ZNF704: variants seen among roughly 807,000 people sequenced by gnomAD.
The protein encoded by ZNF704 is zinc finger protein 704.
In ZNF704, 10 loss-of-function variants were observed where a neutral mutation model predicts 44.7. The ratio of observed to expected loss-of-function variants is 0.22; its 90% CI spans 0.14 to 0.38. ZNF704 has a LOEUF of 0.38. Ranked by LOEUF, ZNF704 falls within the 10% of genes least tolerant of loss-of-function variation. The pLI is 1.00. For missense variants in ZNF704, 390 were observed against 545.5 expected (o/e 0.71, Z 2.84); for synonymous variants, 211 against 207.6 (o/e 1.02, Z -0.14).
At chr8:80,875,386 C>A (rs1809343039), upstream of ZNF704, among the ~76,000 whole-genome samples, 1 of 152,056 alleles carries the variant, frequency 6.6e-6, no homozygotes. Context: ...CTCACTGTAA[C>A]CTCCGCCACC....
chr8:80,717,528 G>C (rs180989339), intron 2 of ZNF704, among the ~76,000 whole-genome samples: 1 of 152,212 alleles, frequency 6.6e-6, no homozygotes, highest in Non-Finnish European at 1.5e-5. Flanking sequence ...AGATTCGAGA[G>C]AGAATGTGCA....
At chr8:80,648,787 A>T (rs1280455126) in intron 7 of ZNF704, among the ~76,000 whole-genome samples, 1 of 152,316 alleles carries the variant, frequency 6.6e-6, no homozygotes, top group Non-Finnish European at 1.5e-5. Flanking sequence ...ATAGATGAGA[A>T]AATGGAGAAG....
rs533439238 is a variant in ZNF704 at position 80,640,691 on chromosome 8, T to C, written c.*675A>G. 6.6e-6 allele frequency: 1 copy of C among 152,234 alleles called. No individual in the cohort carries two copies. The highest frequency in any genetic ancestry group is 1.5e-5 in the Non-Finnish European group (1 of 68,058). The allele number at this position is 152,234 out of a possible 1,614,324, so 9.4% of individuals were successfully genotyped here. ...CTGAACTCAGCTTCGGGCTGAAGTCTGCTGGTGATTTCCGTGGACAATCCC... is the reference window on the plus strand; with the variant it reads ...CTGAACTCAGCTTCGGGCTGAAGTCCGCTGGTGATTTCCGTGGACAATCCC... On this transcript the variant is annotated 3_prime_UTR_variant, in exon 9 of 9. Coordinates refer to ENST00000327835, the MANE Select transcript of ZNF704 (RefSeq NM_001033723.3).
intron 2 of ZNF704, among the ~76,000 whole-genome samples, chr8:80,763,857 G>C (rs924324924): frequency 2.6e-5 from 4 of 152,110 alleles, no homozygotes; most frequent in Non-Finnish European, 4.4e-5. Context: ...TCTCTCTCAA[G>C]TTCAAAGTTA....
At chr8:80,830,461 G>T (rs1195288912) in intron 1 of ZNF704, among the ~76,000 whole-genome samples, 2 of 152,190 alleles carry the variant, frequency 1.3e-5, no homozygotes, top group African/African-American at 4.8e-5. Context: ...TGATTTCCTG[G>T]GGCTGGGGTG....
intron 5 of ZNF704, among the ~76,000 whole-genome samples, chr8:80,669,868 A>G (rs1480048478): frequency 2.0e-5 from 3 of 152,160 alleles, no homozygotes; most frequent in Admixed American, 6.5e-5. Flanking sequence ...CTAAACCTTC[A>G]TTTTATCTTT....
intron 1 of ZNF704, among the ~76,000 whole-genome samples, chr8:80,845,609 TA>T (rs1336262916): frequency 6.6e-6 from 1 of 152,214 alleles, no homozygotes; most frequent in Non-Finnish European, 1.5e-5. Flanking sequence ...TTACTGGTAG[TA>T]AAACAGTAAG....
intron 1 of ZNF704, among the ~76,000 whole-genome samples, chr8:80,839,474 C>T (rs1808639107): frequency 6.6e-6 from 1 of 152,172 alleles, no homozygotes; most frequent in South Asian, 2.1e-4. Flanking sequence ...TTTTTACTAG[C>T]TGCACAGATG....
In ZNF704 at chr8:80,834,262, T is replaced by C. The variant is rs1808520970; in HGVS notation, c.-21-12647A>G. On this transcript the variant is annotated intron_variant, in intron 1 of 8. Transcript: ENST00000327835. ...GGGGATGCAAATGGTCAGTATCTAG[T>C]GTTCCATGACTTTCAGTTACAAAAA... 2.0e-5 allele frequency among the ~76,000 whole-genome samples: 3 copies of C among 152,106 alleles called. No homozygotes were observed. The South Asian group carries it at 6.2e-4, about 32-fold the overall frequency.
intron 1 of ZNF704, among the ~76,000 whole-genome samples, chr8:80,824,581 A>C (rs952347400): frequency 2.0e-4 from 30 of 152,196 alleles, no homozygotes; most frequent in Admixed American, 1.3e-3. Context: ...GAACGCCACA[A>C]AGATACTCCT....
intron 3 of ZNF704, among the ~76,000 whole-genome samples, chr8:80,690,690 G>T (rs763425397): frequency 6.6e-6 from 1 of 152,200 alleles, no homozygotes; most frequent in Non-Finnish European, 1.5e-5. Context: ...CCCATTTCAA[G>T]AGCAACTTTT....
intron 1 of ZNF704, among the ~76,000 whole-genome samples, chr8:80,861,048 C>T (rs1384107800): frequency 6.6e-6 from 1 of 152,186 alleles, no homozygotes; most frequent in Non-Finnish European, 1.5e-5. Flanking sequence ...AGGGACTCTT[C>T]TGCTGATGCA....
chr8:80,816,530 T>C (rs1223741672), intron 2 of ZNF704, among the ~76,000 whole-genome samples: 1 of 152,190 alleles, frequency 6.6e-6, no homozygotes, highest in Admixed American at 6.5e-5. Flanking sequence ...TGAAGCCTAT[T>C]TTCCTCAACT....
chr8:80,674,982 G>A (rs1585942487), intron 4 of ZNF704, among the ~76,000 whole-genome samples: 1 of 152,118 alleles, frequency 6.6e-6, no homozygotes, highest in African/African-American at 2.4e-5. Flanking sequence ...TTTGCTGATG[G>A]CATTCTTTCA....
In ZNF704 at chr8:80,637,376, T is replaced by C. The variant is rs1817679406; in HGVS notation, c.*3990A>G. 6.6e-6 allele frequency: 1 copy of C among 152,236 alleles called. No homozygotes were observed. Among genetic ancestry groups the C allele is most frequent in the Non-Finnish European group, 1.5e-5 (1 of 68,046 alleles). 9.4% of individuals were successfully genotyped at this position (152,236 alleles called of 1,614,324 possible). A position where few individuals can be genotyped will look rare whatever the true frequency, so the allele number is the denominator to read the frequency against. On this transcript the variant is annotated 3_prime_UTR_variant, in exon 9 of 9. Coordinates refer to ENST00000327835, the MANE Select transcript of ZNF704 (RefSeq NM_001033723.3). ...TATTCTCAAGGTATTCTCTGTTATA[T>C]GTACAATTCTGGCCACTTTTCTCTC...
intron 4 of ZNF704, among the ~76,000 whole-genome samples, chr8:80,679,766 C>G (rs369281503): frequency 1.3e-5 from 2 of 152,320 alleles, no homozygotes; most frequent in South Asian, 4.2e-4. Context: ...TATTTAACAC[C>G]CGCAACAGGC....
At chr8:80,703,514 A>G (rs112833067) in intron 2 of ZNF704, among the ~76,000 whole-genome samples, 26,342 of 152,080 alleles carry the variant, frequency 0.17, 4,642 homozygotes, top group African/African-American at 0.45. Context: ...TTGCTCTGTC[A>G]CCCAGACTGG....
chr8:80,659,443 G>A, intron 7 of ZNF704, 142 bp downstream of exon 7: 1 of 727,796 alleles, frequency 1.4e-6, no homozygotes. Context: ...CTGCTGATGA[G>A]TTTACAAATA....
At chr8:80,774,361 C>T (rs1219703604) in intron 2 of ZNF704, among the ~76,000 whole-genome samples, 2 of 152,146 alleles carry the variant, frequency 1.3e-5, no homozygotes, top group Non-Finnish European at 2.9e-5. Context: ...TGAGCCACTA[C>T]AACCAGCCTA....
Sources: gnomAD v4.1 joint callset for allele counts (sites outside exome capture counted in the v4.1 genomes callset) on GRCh38, gnomAD v4.1.1 for gene constraint, MANE v1.5 for transcripts, NCBI Gene and HGNC (gene_info 2026-07-23, HGNC 2026-07-21) for gene names.